Variants in SBNO2 observed in about 807,000 individuals in gnomAD.
SBNO2 encodes strawberry notch homolog 2, also known as protein strawberry notch homolog 2.
In SBNO2, 89 loss-of-function variants were observed where a neutral mutation model predicts 146.3. The observed-to-expected ratio is 0.61, with a 90% CI of 0.51 to 0.73. SBNO2 has a LOEUF of 0.73. Among genes scored for constraint, SBNO2 ranks in the 30% least tolerant of loss-of-function variants. The pLI is 0.00. For synonymous variants in SBNO2, 1,147 were observed against 892.6 expected (o/e 1.29, Z -5.08); for missense variants, 2,092 against 2,003.7 (o/e 1.04, Z -0.84).
intron 4 of SBNO2, 54 bp downstream of exon 4, chr19:1,147,255 C>T (rs530020973): frequency 3.7e-5 from 45 of 1,207,798 alleles, no homozygotes; most frequent in Admixed American, 3.4e-4. Flanking sequence ...GCTGGAGGGG[C>T]GGCCCAGACT....
chr19:1,108,958 C>A lies in SBNO2; in HGVS notation c.3437G>T (p.Cys1146Phe). The change falls in exon 31 of 32, where the codon TGC becomes TTC. Residue 1146 changes from cysteine to phenylalanine, a missense_variant. Coordinates refer to ENST00000361757, the MANE Select transcript of SBNO2 (RefSeq NM_014963.3). ...HCSHSAWNRHCRLAQEGKDCL... is the reference protein window; with the variant it reads ...HCSHSAWNRHFRLAQEGKDCL... ...GTCCTTACCCTCCTGCGCCAGCCGGCAGTGCCGGTTCCTGCGGACGAGACG... is the reference window on the plus strand; with the variant it reads ...GTCCTTACCCTCCTGCGCCAGCCGGAAGTGCCGGTTCCTGCGGACGAGACG... 6.5e-7 allele frequency: 1 copy of A among 1,541,114 alleles called. No homozygotes were observed. The highest frequency in any genetic ancestry group is 2.4e-5 in the East Asian group (1 of 41,792).
At position 1,109,629 on chromosome 19, in the gene SBNO2, T is replaced by A. The variant is rs1246711484; in HGVS notation, c.3124-31A>T. The A allele has an allele frequency of 8.6e-7, 1 of 1,160,550 alleles. No homozygotes were observed. Among genetic ancestry groups the A allele is most frequent in the Non-Finnish European group, 1.2e-6 (1 of 834,060 alleles). 71.9% of individuals were successfully genotyped at this position (1,160,550 alleles called of 1,614,324 possible). On this transcript the variant is annotated intron_variant, in intron 27 of 31. Transcript: ENST00000361757. This position sits in a 1 kb window ranked among gnomAD's most constrained non-coding sequence, Gnocchi z 4.2. ...ACGGCACGGGGTGGGGGGGTGTGAG[T>A]GTGGTGGGGGCGGGGTGGGCAGAGT...
At chr19:1,141,056 G>A (rs949550026) in intron 4 of SBNO2, among the ~76,000 whole-genome samples, 3 of 151,808 alleles carry the variant, frequency 2.0e-5, no homozygotes, top group South Asian at 2.1e-4. Context: ...GACGCACCCC[G>A]GAGAAGAGGC....
At chr19:1,119,236 G>A in intron 13 of SBNO2, 72 bp from the exon 14 acceptor site, 1 of 1,514,144 alleles carries the variant, frequency 6.6e-7, no homozygotes, top group Middle Eastern at 1.7e-4. Flanking sequence ...GCGCGAGGCA[G>A]AGCCAGTCGC....
rs963010658 is a variant in SBNO2, at chr19:1,144,857, G to A, written c.279+2452C>T. ...AGAGACAGGGGCAGAGACAAGCAGA[G>A]AGGGAGACACAGACAGAGACAGAGA... is the stretch of plus-strand genomic sequence containing the variant. On this transcript the variant is annotated intron_variant, in intron 4 of 31. Transcript: ENST00000361757. This position sits in a 1 kb window ranked among gnomAD's most constrained non-coding sequence, Gnocchi z 4.1. 1.3e-5 allele frequency among the ~76,000 whole-genome samples: 2 copies of A among 150,882 alleles called. No individual in the cohort carries two copies. Among genetic ancestry groups the A allele is most frequent in the African/African-American group, 2.4e-5 (1 of 40,842 alleles).
intron 1 of SBNO2, among the ~76,000 whole-genome samples, chr19:1,172,985 A>T (rs10775584): frequency 0.81 from 119,598 of 147,218 alleles, 48,326 homozygotes; most frequent in East Asian, 0.98. Context: ...CTACACATTT[A>T]AGAGATTTTT....
In SBNO2 at chr19:1,157,440, G is replaced by GT. The variant is rs1431006656; in HGVS notation, c.-126-3039dup. Among the ~76,000 whole-genome samples the GT allele has an allele frequency of 2.0e-5, 3 of 152,080 alleles. No homozygotes were observed. The highest frequency in any genetic ancestry group is 4.1e-4 in the South Asian group (2 of 4,828). On this transcript the variant is annotated intron_variant, in intron 1 of 31. Coordinates refer to ENST00000361757, the MANE Select transcript of SBNO2 (RefSeq NM_014963.3). The surrounding 1 kb of genome is among the most constrained non-coding windows in gnomAD (Gnocchi z 6.8). ...GAGACCCTCTCCCCACGCGGCCCCG[G>GT]TGACACGGCCCACCCCGAGCCTCAG...
rs1262600447 is a variant in SBNO2, at chr19:1,108,836, T to C, written c.3559A>G (p.Ser1187Gly). 6 of 1,601,162 alleles carry C rather than the reference T, an allele frequency of 3.7e-6. No individual in the cohort carries two copies. The highest frequency in any genetic ancestry group is 2.7e-5 in the African/African-American group (2 of 74,840). ...RIAAVMADVS[S>G]SSYLQIVRLK... Reference sequence around the variant, plus strand: ...CGCACGATCTGCAGGTAGCTGCTGCTGCTGACGTCGGCCATGACGGCGGCG... The same window carrying C: ...CGCACGATCTGCAGGTAGCTGCTGCCGCTGACGTCGGCCATGACGGCGGCG... Residue 1187 changes from serine to glycine, a missense_variant, in exon 31 of 32, where the codon AGC (serine) becomes GGC (glycine). Coordinates refer to ENST00000361757, the MANE Select transcript of SBNO2 (RefSeq NM_014963.3).
rs1463019656 is a variant in SBNO2, at chr19:1,114,266, A to G, written c.2042T>C (p.Ile681Thr). Residue 681 changes from isoleucine (I) to threonine (T), a missense_variant, in exon 18 of 32, where the codon ATC (isoleucine) becomes ACC (threonine). Transcript: ENST00000361757. ...PESLVDDDVV[I>T]VDAVGLPSDD... ...ACTGGGGAGCCCGACTGCATCAACG[A>G]TGACAACGTCGTCATCCACCAGGGA... is the stretch of plus-strand genomic sequence containing the variant. 5 of 1,543,444 alleles carry G rather than the reference A, an allele frequency of 3.2e-6. No homozygotes were observed. Among genetic ancestry groups the G allele is most frequent in the Non-Finnish European group, 4.4e-6 (5 of 1,143,134 alleles).
rs548697061 is a variant in SBNO2 at position 1,140,522 on chromosome 19, C to T, written c.279+6787G>A. On this transcript the variant is annotated intron_variant, in intron 4 of 31. Transcript: ENST00000361757. The surrounding 1 kb of genome is among the most constrained non-coding windows in gnomAD (Gnocchi z 4.4). ...AGGGTGGCTGGAGGGCCGGGCAAGG[C>T]ACACACGTGACACCGCGGGAGCCCC... Among the ~76,000 whole-genome samples the T allele has an allele frequency of 6.6e-6, 1 of 152,194 alleles. No homozygotes were observed. The highest frequency in any genetic ancestry group is 1.5e-5 in the Non-Finnish European group (1 of 67,974).
rs529116463 is a variant in SBNO2 at position 1,168,146 on chromosome 19, G to C, written c.-127+6026C>G. 2.6e-5 allele frequency among the ~76,000 whole-genome samples: 4 copies of C among 152,226 alleles called. No homozygotes were observed. The South Asian group carries it at 8.3e-4, about 32-fold the overall frequency. On this transcript the variant is annotated intron_variant, in intron 1 of 31. Transcript: ENST00000361757. The stretch of plus-strand genomic sequence containing the variant: ...TCTGCGTTTGAGGGTGGCAGCCCCT[G>C]GTGTTCCAAAGTCGGCAAGCAATTC...
In SBNO2 at chr19:1,150,866, G is replaced by A. The variant is rs1417617861; in HGVS notation, c.94-1424C>T. ...GGATTCCAGGACCCCCGACAGCCTC[G>A]AGATAGGCAAAGCCCTCGGGGTGAC... On this transcript the variant is annotated intron_variant, in intron 2 of 31. Coordinates refer to ENST00000361757, the MANE Select transcript of SBNO2 (RefSeq NM_014963.3). This position sits in a 1 kb window ranked among gnomAD's most constrained non-coding sequence, Gnocchi z 6.2. Among the ~76,000 whole-genome samples the A allele has an allele frequency of 1.3e-5, 2 of 152,154 alleles. No homozygotes were observed. The highest frequency in any genetic ancestry group is 2.1e-4 in the South Asian group (1 of 4,826).
In SBNO2 at chr19:1,119,614, A is replaced by T. The variant is rs1181660855; in HGVS notation, c.1275T>A (p.Ser425=). 6.2e-7 allele frequency: 1 copy of T among 1,607,462 alleles called. No individual in the cohort carries two copies. Among genetic ancestry groups the T allele is most frequent in the Non-Finnish European group, 8.5e-7 (1 of 1,177,320 alleles). ...TCATGTAGATCATGTTCCGAGGCTC[A>T]GAGGCACCTGTGGGGGGAAGCTGCC... is the stretch of plus-strand genomic sequence containing the variant. The part of the protein sequence containing the change: ...RVVYASATGA[S]EPRNMIYMSR... Residue 425 remains serine, a synonymous_variant, in exon 13 of 32, where the codon TCT becomes TCA. Coordinates refer to ENST00000361757, the MANE Select transcript of SBNO2 (RefSeq NM_014963.3).
chr19:1,124,274 C>T (rs2079939964), intron 5 of SBNO2, among the ~76,000 whole-genome samples: 1 of 152,218 alleles, frequency 6.6e-6, no homozygotes, highest in Non-Finnish European at 1.5e-5. Context: ...TGCCTTCTCA[C>T]TGATGGCCAG....
At chr19:1,152,732 G>A (rs1195510814) in intron 2 of SBNO2, among the ~76,000 whole-genome samples, 1 of 152,170 alleles carries the variant, frequency 6.6e-6, no homozygotes, top group Admixed American at 6.5e-5. Context: ...ACTGCCGAGG[G>A]GTGTCTGTGA....
At chr19:1,111,817 C>T (rs905975325) in intron 23 of SBNO2, among the ~76,000 whole-genome samples, 179 bp downstream of exon 23, 10 of 151,476 alleles carry the variant, frequency 6.6e-5, no homozygotes, top group African/African-American at 2.4e-4. Context: ...CTGGATGCCA[C>T]CTCCCTGAGC....
chr19:1,115,875 G>A (rs897346097), intron 17 of SBNO2, 146 bp downstream of exon 17: 7 of 716,940 alleles, frequency 9.8e-6, no homozygotes, highest in African/African-American at 5.2e-5. Context: ...CACTGGCAGC[G>A]GAGCCTTGAG....
intron 4 of SBNO2, chr19:1,132,100 G>A: frequency 4.5e-6 from 7 of 1,541,132 alleles, no homozygotes; most frequent in East Asian, 2.7e-5. Flanking sequence ...CTTGTTCAGA[G>A]CCTCAAACTG....
intron 2 of SBNO2, among the ~76,000 whole-genome samples, chr19:1,151,373 C>T (rs2145308521): frequency 6.6e-6 from 1 of 152,308 alleles, no homozygotes; most frequent in Admixed American, 6.5e-5. Flanking sequence ...CCACCTGTAC[C>T]CAGGCCAGGC....
Sources: gnomAD v4.1 joint callset for allele counts (sites outside exome capture counted in the v4.1 genomes callset) on GRCh38, gnomAD v4.1.1 for gene constraint, Gnocchi (gnomAD v3.1) non-coding constraint, MANE v1.5 for transcripts, NCBI Gene and HGNC (gene_info 2026-07-23, HGNC 2026-07-21) for gene names.